EPHA6: variants seen among roughly 807,000 people sequenced by gnomAD.
The protein encoded by EPHA6 is ephrin type-A receptor 6.
In EPHA6, 50 loss-of-function variants were observed where a neutral mutation model predicts 112.0. The ratio of observed to expected loss-of-function variants is 0.45; its 90% CI spans 0.36 to 0.56. The LOEUF (loss-of-function observed/expected upper bound fraction) is 0.56. Among genes scored for constraint, EPHA6 ranks in the 20% least tolerant of loss-of-function variants. The pLI is 0.00. For missense variants in EPHA6, 1,280 were observed against 1,417.4 expected (o/e 0.90, Z 1.56); for synonymous variants, 529 against 490.7 (o/e 1.08, Z -1.03).
intron 2 of EPHA6, among the ~76,000 whole-genome samples, chr3:96,973,656 T>C (rs1243814274): frequency 6.6e-6 from 1 of 150,830 alleles, no homozygotes; most frequent in Admixed American, 6.6e-5. Flanking sequence ...AAACCCTGTC[T>C]CTACTAAAAA....
At chr3:97,472,035 G>A (rs1343534508) in intron 7 of EPHA6, among the ~76,000 whole-genome samples, 12 of 151,418 alleles carry the variant, frequency 7.9e-5, no homozygotes, top group Admixed American at 6.6e-4. Context: ...TGGCCTTCTC[G>A]TCTTTGTCTT....
At chr3:97,004,279 A>G (rs368147064) in intron 3 of EPHA6, among the ~76,000 whole-genome samples, 2 of 152,210 alleles carry the variant, frequency 1.3e-5, no homozygotes, top group Admixed American at 6.5e-5. Context: ...AAGCATTCCT[A>G]TTTCTCCACA....
intron 14 of EPHA6, among the ~76,000 whole-genome samples, chr3:97,665,287 T>C (rs796848263): frequency 4.8e-4 from 73 of 152,300 alleles, no homozygotes; most frequent in African/African-American, 1.7e-3. Context: ...TGAAACTGGA[T>C]CCCTTCCTTG....
intron 3 of EPHA6, among the ~76,000 whole-genome samples, chr3:97,058,292 T>G (rs887653881): frequency 4.6e-5 from 7 of 151,868 alleles, no homozygotes; most frequent in African/African-American, 1.7e-4. Flanking sequence ...AAGGAGTTTT[T>G]TTTTTGTTGT....
At chr3:97,592,960 T>C (rs975847875) in intron 12 of EPHA6, among the ~76,000 whole-genome samples, 1 of 152,180 alleles carries the variant, frequency 6.6e-6, no homozygotes, top group African/African-American at 2.4e-5. Context: ...TAGTGCTGCC[T>C]CCTCTCCTGA....
At chr3:96,891,551 A>G (rs2037964002) in intron 2 of EPHA6, among the ~76,000 whole-genome samples, 1 of 152,020 alleles carries the variant, frequency 6.6e-6, no homozygotes, top group African/African-American at 2.4e-5. Flanking sequence ...TCTACTAAAA[A>G]TACAAAAATT....
chr3:97,685,526 T>C (rs1017403760), intron 14 of EPHA6, among the ~76,000 whole-genome samples: 1 of 152,176 alleles, frequency 6.6e-6, no homozygotes, highest in African/African-American at 2.4e-5. Context: ...ATGGACATAA[T>C]GTAGAGACTT....
intron 2 of EPHA6, among the ~76,000 whole-genome samples, chr3:96,965,262 A>C (rs1054113946): frequency 6.6e-6 from 1 of 152,112 alleles, no homozygotes; most frequent in African/African-American, 2.4e-5. Flanking sequence ...ATATAGAAGT[A>C]AGGTGTTTTT....
At chr3:96,924,842 G>A in intron 2 of EPHA6, among the ~76,000 whole-genome samples, 1 of 152,098 alleles carries the variant, frequency 6.6e-6, no homozygotes, top group East Asian at 1.9e-4. Context: ...ATTTTAACAT[G>A]AAGGAATATT....
At chr3:97,598,635 T>A (rs2093615175) in intron 12 of EPHA6, among the ~76,000 whole-genome samples, 1 of 152,036 alleles carries the variant, frequency 6.6e-6, no homozygotes, top group South Asian at 2.1e-4. Flanking sequence ...ATGGTGTATA[T>A]GTGCCACATT....
chr3:97,661,907 C>A (rs886808257), intron 14 of EPHA6, among the ~76,000 whole-genome samples: 3 of 152,142 alleles, frequency 2.0e-5, no homozygotes, highest in Non-Finnish European at 2.9e-5. Context: ...AAAATCTGCA[C>A]AGCTCTGAGA....
At position 97,696,229 on chromosome 3, in the gene EPHA6, C is replaced by T. The variant is rs138388263; in HGVS notation, c.2785-24032C>T. Among the ~76,000 whole-genome samples, 823 of 152,280 alleles carry T rather than the reference C, an allele frequency of 5.4e-3. 3 individuals carry two copies. Among genetic ancestry groups the T allele is most frequent in the African/African-American group, 0.019 (787 of 41,550 alleles). On this transcript the variant is annotated intron_variant, in intron 14 of 17. Transcript: ENST00000389672. ...ACTGCTTTCTAGCTAAGGTCTCAGA[C>T]CCATTCATAGTGTGAGGGGCTATGA...
intron 3 of EPHA6, among the ~76,000 whole-genome samples, chr3:97,003,858 G>A (rs764795516): frequency 2.1e-4 from 30 of 140,776 alleles, no homozygotes; most frequent in Non-Finnish European, 3.9e-4. Context: ...CTTAATGGAT[G>A]TTCAACCCCC....
chr3:97,655,923 G>A (rs1038147654), intron 14 of EPHA6, among the ~76,000 whole-genome samples: 1 of 151,624 alleles, frequency 6.6e-6, no homozygotes, highest in Non-Finnish European at 1.5e-5. Flanking sequence ...AGAAGAGAAA[G>A]ATCTCTTAGT....
intron 2 of EPHA6, among the ~76,000 whole-genome samples, chr3:96,882,602 A>G (rs1330341559): frequency 1.3e-5 from 2 of 152,124 alleles, no homozygotes; most frequent in Admixed American, 1.3e-4. Flanking sequence ...ATCAGTGAGA[A>G]CATACGATGT....
intron 13 of EPHA6, among the ~76,000 whole-genome samples, chr3:97,614,964 G>A (rs569793759): frequency 6.6e-6 from 1 of 152,250 alleles, no homozygotes; most frequent in South Asian, 2.1e-4. Context: ...TTCAGTGGGT[G>A]GGGACCAAGA....
chr3:97,691,629 A>G (rs1000249375), intron 14 of EPHA6, among the ~76,000 whole-genome samples: 1 of 152,208 alleles, frequency 6.6e-6, no homozygotes, highest in African/African-American at 2.4e-5. Flanking sequence ...CAAGCTTTAG[A>G]TATTATCATA....
At chr3:97,678,533 G>C (rs2031594982) in intron 14 of EPHA6, among the ~76,000 whole-genome samples, 1 of 152,136 alleles carries the variant, frequency 6.6e-6, no homozygotes, top group South Asian at 2.1e-4. Flanking sequence ...GCAAGGCTGT[G>C]AATATTAAGG....
At chr3:97,344,594 C>A (rs2083451103) in intron 5 of EPHA6, among the ~76,000 whole-genome samples, 1 of 152,090 alleles carries the variant, frequency 6.6e-6, no homozygotes, top group Non-Finnish European at 1.5e-5. Context: ...CAGACTTACA[C>A]CCCCCAGAAC....
Sources: gnomAD v4.1 joint callset for allele counts (sites outside exome capture counted in the v4.1 genomes callset) on GRCh38, gnomAD v4.1.1 for gene constraint, MANE v1.5 for transcripts, NCBI Gene and HGNC (gene_info 2026-07-23, HGNC 2026-07-21) for gene names.